SDK1: variants seen among roughly 807,000 people sequenced by gnomAD.
SDK1 encodes sidekick cell adhesion molecule 1.
SDK1 carries 157 observed loss-of-function variants against 245.5 expected under a neutral mutation model. The observed-to-expected ratio is 0.64, with a 90% CI of 0.56 to 0.73. The LOEUF is 0.73. Among genes scored for constraint, SDK1 ranks in the 30% least tolerant of loss-of-function variants. The pLI is 0.00. For synonymous variants in SDK1, 1,647 were observed against 1,278.5 expected (o/e 1.29, Z -6.15); for missense variants, 3,583 against 3,002.3 (o/e 1.19, Z -4.52).
At chr7:3,744,805 C>T (rs927371243) in intron 4 of SDK1, among the ~76,000 whole-genome samples, 3 of 150,994 alleles carry the variant, frequency 2.0e-5, no homozygotes, top group African/African-American at 7.3e-5. Context: ...GAGTGAGACT[C>T]CATCTCAAAA....
chr7:3,940,358 C>T (rs1006682701), intron 5 of SDK1, among the ~76,000 whole-genome samples: 1 of 152,250 alleles, frequency 6.6e-6, no homozygotes, highest in African/African-American at 2.4e-5. Context: ...ATTCCTTAGC[C>T]ACCGTCCTGC....
At chr7:3,757,133 A>G (rs1583381342) in intron 4 of SDK1, among the ~76,000 whole-genome samples, 1 of 152,138 alleles carries the variant, frequency 6.6e-6, no homozygotes, top group Admixed American at 6.5e-5. Flanking sequence ...GACCCCACAC[A>G]TTGAGGGCTC....
intron 1 of SDK1, among the ~76,000 whole-genome samples, chr7:3,540,483 A>G (rs761957214): frequency 1.3e-5 from 2 of 152,194 alleles, no homozygotes; most frequent in Non-Finnish European, 2.9e-5. Context: ...TAATCCTTCA[A>G]CAAGACTGAA....
At chr7:3,555,806 A>T (rs1779569515) in intron 1 of SDK1, among the ~76,000 whole-genome samples, 1 of 152,216 alleles carries the variant, frequency 6.6e-6, no homozygotes. Flanking sequence ...AATGGCAAAC[A>T]GGTGTATTAA....
chr7:3,831,977 G>A (rs1458966382), intron 5 of SDK1, among the ~76,000 whole-genome samples: 1 of 152,096 alleles, frequency 6.6e-6, no homozygotes, highest in East Asian at 1.9e-4. Context: ...CTTGAGCCAG[G>A]GAGGTCAAGG....
At chr7:3,520,663 TA>T (rs5881989) in intron 1 of SDK1, among the ~76,000 whole-genome samples, 55,775 of 151,954 alleles carry the variant, frequency 0.37, 10,586 homozygotes, top group African/African-American at 0.47. Flanking sequence ...ATCTTCTCCT[TA>T]AATAAAAACT....
chr7:4,208,979 G>C (rs183516401), intron 37 of SDK1, among the ~76,000 whole-genome samples: 296 of 152,368 alleles, frequency 1.9e-3, no homozygotes, highest in African/African-American at 6.9e-3. Context: ...AAGTCTGAGA[G>C]ACTGGGAGAG....
At position 4,113,543 on chromosome 7, in the gene SDK1, A is replaced by C; in HGVS notation, c.3585+104A>C. Reference sequence around the variant, plus strand: ...AGTTTCTTAGTCACGCCTTTGTCCTAGTCAAAACTAATCTCATCGTCAAAC... The same window carrying C: ...AGTTTCTTAGTCACGCCTTTGTCCTCGTCAAAACTAATCTCATCGTCAAAC... On this transcript the variant is annotated intron_variant, in intron 24 of 44. Transcript: ENST00000404826. 3 of 1,340,724 alleles carry C rather than the reference A, an allele frequency of 2.2e-6. No homozygotes were observed. In the South Asian group the frequency reaches 4.1e-5, roughly 18 times the overall value. 83.1% of individuals were successfully genotyped at this position (1,340,724 alleles called of 1,614,324 possible). A position where few individuals can be genotyped will look rare whatever the true frequency, so the allele number is the denominator to read the frequency against.
At chr7:3,311,348 C>A (rs1043092007) in intron 1 of SDK1, among the ~76,000 whole-genome samples, 1 of 152,106 alleles carries the variant, frequency 6.6e-6, no homozygotes, top group African/African-American at 2.4e-5. Context: ...TTGTTGATTA[C>A]ATGGGTAATG....
intron 1 of SDK1, among the ~76,000 whole-genome samples, chr7:3,528,437 G>A (rs927502754): frequency 6.6e-6 from 1 of 151,978 alleles, no homozygotes; most frequent in African/African-American, 2.4e-5. Flanking sequence ...ATCCTAAGGT[G>A]TGAGAAAGTG....
Position 3,782,974 on chromosome 7 carries a change from A to G in SDK1, c.714-38476A>G, listed in dbSNP as rs60243310. On this transcript the variant is annotated intron_variant, in intron 4 of 44. Transcript: ENST00000404826. ...TGAACATAGATGCAGATTTCTCAACAAAATACTAACAAACTGAATTCAACA... is the reference window on the plus strand; with the variant it reads ...TGAACATAGATGCAGATTTCTCAACGAAATACTAACAAACTGAATTCAACA... 5.5e-3 allele frequency among the ~76,000 whole-genome samples: 845 copies of G among 152,336 alleles called. 9 individuals carry two copies. Among genetic ancestry groups the G allele is most frequent in the African/African-American group, 0.02 (812 of 41,578 alleles).
chr7:3,911,936 C>T (rs1216211191), intron 5 of SDK1, among the ~76,000 whole-genome samples: 1 of 151,968 alleles, frequency 6.6e-6, no homozygotes, highest in Non-Finnish European at 1.5e-5. Context: ...TGACTTGCAC[C>T]TGGAAGGATG....
chr7:3,437,858 G>C (rs552853905), intron 1 of SDK1, among the ~76,000 whole-genome samples: 1 of 152,296 alleles, frequency 6.6e-6, no homozygotes, highest in South Asian at 2.1e-4. Context: ...ATCTTTTGTA[G>C]TACTGAAACC....
chr7:3,434,200 C>T (rs1268357540), intron 1 of SDK1, among the ~76,000 whole-genome samples: 1 of 152,166 alleles, frequency 6.6e-6, no homozygotes, highest in Non-Finnish European at 1.5e-5. Flanking sequence ...ACTACTCACT[C>T]TACCAGGCCA....
intron 1 of SDK1, among the ~76,000 whole-genome samples, chr7:3,322,973 C>T (rs1043274490): frequency 2.0e-5 from 3 of 152,120 alleles, no homozygotes. Context: ...CCACACCTGG[C>T]TCATTTTTGT....
At chr7:3,667,016 G>C (rs1205148096) in intron 4 of SDK1, among the ~76,000 whole-genome samples, 1 of 151,946 alleles carries the variant, frequency 6.6e-6, no homozygotes, top group East Asian at 1.9e-4. Context: ...CTTACGGTTT[G>C]GGAAATTTTA....
chr7:4,171,476 A>G (rs938184652), intron 32 of SDK1, among the ~76,000 whole-genome samples: 3 of 152,168 alleles, frequency 2.0e-5, no homozygotes, highest in East Asian at 1.9e-4. Flanking sequence ...TTGTTTTTTT[A>G]TAGCTTTAAA....
chr7:3,779,697 C>G (rs1289271262), intron 4 of SDK1, among the ~76,000 whole-genome samples: 1 of 151,972 alleles, frequency 6.6e-6, no homozygotes, highest in Admixed American at 6.6e-5. Flanking sequence ...CTTTGGGAGG[C>G]CGAGGCGGGT....
chr7:3,419,082 A>C (rs1208364192), intron 1 of SDK1, among the ~76,000 whole-genome samples: 1 of 152,206 alleles, frequency 6.6e-6, no homozygotes, highest in Non-Finnish European at 1.5e-5. Context: ...GGTATTTTTG[A>C]TCTGCATTTG....
Sources: gnomAD v4.1 joint callset for allele counts (sites outside exome capture counted in the v4.1 genomes callset) on GRCh38, gnomAD v4.1.1 for gene constraint, MANE v1.5 for transcripts, NCBI Gene and HGNC (gene_info 2026-07-23, HGNC 2026-07-21) for gene names.